FRAS1: variants seen among roughly 807,000 people sequenced by gnomAD.
FRAS1 encodes the protein Fraser extracellular matrix complex subunit 1, also known as extracellular matrix organizing protein FRAS1.
In FRAS1, 290 loss-of-function variants were observed where a neutral mutation model predicts 435.2. That is an observed-to-expected ratio of 0.67 (90% CI 0.61 to 0.73). The LOEUF is 0.73. FRAS1 is among the 30% of genes least tolerant of loss of function. FRAS1 has a pLI of 0.00. For missense variants in FRAS1, 4,860 were observed against 5,001.5 expected (o/e 0.97, Z 0.85); for synonymous variants, 1,800 against 1,851.0 (o/e 0.97, Z 0.71).
chr4:78,431,627 C>A (rs1734225917), intron 37 of FRAS1, among the ~76,000 whole-genome samples: 1 of 152,134 alleles, frequency 6.6e-6, no homozygotes, highest in Non-Finnish European at 1.5e-5. Flanking sequence ...TCTGTGAAAT[C>A]ATTAGGGCTC....
chr4:78,279,117 C>T (rs7664093), intron 10 of FRAS1, among the ~76,000 whole-genome samples: 34,028 of 152,110 alleles, frequency 0.22, 5,001 homozygotes, highest in Non-Finnish European at 0.33. Flanking sequence ...GGAGGTTTCT[C>T]TTACAGAAAA....
chr4:78,323,690 T>G (rs1729598839), intron 18 of FRAS1, among the ~76,000 whole-genome samples: 2 of 152,110 alleles, frequency 1.3e-5, no homozygotes, highest in South Asian at 4.1e-4. Flanking sequence ...ACAACCAGTG[T>G]GGCAGTACGT....
Position 78,206,106 on chromosome 4 carries a change from A to G in FRAS1, c.109-31404A>G, listed in dbSNP as rs149133731. ...ACCATGTATAATTCTTATGTGGCAAAAGGGACTTTGCAGATGAAATTAAGA... is the reference window on the plus strand; with the variant it reads ...ACCATGTATAATTCTTATGTGGCAAGAGGGACTTTGCAGATGAAATTAAGA... On this transcript the variant is annotated intron_variant, in intron 2 of 73. Transcript: ENST00000512123. 2.4e-4 allele frequency among the ~76,000 whole-genome samples: 36 copies of G among 152,206 alleles called. No homozygotes were observed. In the East Asian group the frequency reaches 6.6e-3, roughly 28 times the overall value.
chr4:78,060,438 G>A lies in FRAS1; in HGVS notation c.76+2353G>A, dbSNP rs534210001. ...TGACCAGCTTATGGCAGAATTTGTC[G>A]TTTTCTTCTCAGTGCACAGAGAGAA... is the stretch of plus-strand genomic sequence containing the variant. On this transcript the variant is annotated intron_variant, in intron 1 of 73. Transcript: ENST00000512123. 7.9e-5 allele frequency among the ~76,000 whole-genome samples: 12 copies of A among 152,302 alleles called. No individual in the cohort carries two copies. In the South Asian group the frequency reaches 1.0e-3, roughly 13 times the overall value.
chr4:78,093,782 C>T (rs1047549992), intron 2 of FRAS1, among the ~76,000 whole-genome samples: 1 of 152,142 alleles, frequency 6.6e-6, no homozygotes, highest in African/African-American at 2.4e-5. Flanking sequence ...CCTCTCACTC[C>T]CCTGAGGACC....
At chr4:78,508,394 A>G (rs1441383920) in intron 62 of FRAS1, among the ~76,000 whole-genome samples, 1 of 152,218 alleles carries the variant, frequency 6.6e-6, no homozygotes. Context: ...ATTTAATGCA[A>G]CTTTAAACTA....
At chr4:78,453,126 T>A (rs1335301692) in intron 47 of FRAS1, among the ~76,000 whole-genome samples, 4 of 151,890 alleles carry the variant, frequency 2.6e-5, no homozygotes, top group Non-Finnish European at 5.9e-5. Flanking sequence ...TTGTGGAGGA[T>A]CTTCAAAGCT....
intron 18 of FRAS1, among the ~76,000 whole-genome samples, chr4:78,331,065 C>G (rs1226443317): frequency 6.6e-6 from 1 of 151,826 alleles, no homozygotes; most frequent in East Asian, 1.9e-4. Flanking sequence ...TCAAGCTGGC[C>G]GATGCTTAAG....
chr4:78,178,736 T>A (rs1429741709), intron 2 of FRAS1, among the ~76,000 whole-genome samples: 1 of 152,068 alleles, frequency 6.6e-6, no homozygotes, highest in Non-Finnish European at 1.5e-5. Flanking sequence ...GACTGGGGAT[T>A]AAACTAATTA....
chr4:78,213,696 A>G (rs755876790), intron 2 of FRAS1, among the ~76,000 whole-genome samples: 6 of 152,194 alleles, frequency 3.9e-5, no homozygotes, highest in Admixed American at 6.5e-5. Context: ...TATGGAGACT[A>G]CAGAGAGGAA....
intron 70 of FRAS1, 56 bp downstream of exon 70, chr4:78,526,713 C>T: frequency 8.9e-7 from 1 of 1,118,694 alleles, no homozygotes; most frequent in Non-Finnish European, 1.3e-6. Context: ...GTGAATTCTC[C>T]TACTCACTAA....
At chr4:78,491,555 C>G (rs1720353605) in intron 59 of FRAS1, among the ~76,000 whole-genome samples, 1 of 152,174 alleles carries the variant, frequency 6.6e-6, no homozygotes, top group Non-Finnish European at 1.5e-5. Context: ...ACAAAACCCA[C>G]ATGATTATCT....
intron 68 of FRAS1, among the ~76,000 whole-genome samples, chr4:78,521,944 A>G (rs1346586360): frequency 6.6e-6 from 1 of 152,208 alleles, no homozygotes; most frequent in African/African-American, 2.4e-5. Context: ...TCCAGTCTCT[A>G]TTCATATTTC....
intron 2 of FRAS1, among the ~76,000 whole-genome samples, chr4:78,119,077 G>C (rs58969863): frequency 0.22 from 33,004 of 152,004 alleles, 3,939 homozygotes; most frequent in Admixed American, 0.29. Flanking sequence ...AAAAATAATT[G>C]TATATATTCA....
chr4:78,244,928 G>T (rs927202183), intron 3 of FRAS1, among the ~76,000 whole-genome samples: 16 of 152,104 alleles, frequency 1.1e-4, no homozygotes, highest in African/African-American at 3.6e-4. Context: ...GGAGAAAACT[G>T]CTTATCTTGT....
chr4:78,301,846 G>GTTTTTTTTT (rs59794614), intron 14 of FRAS1, among the ~76,000 whole-genome samples: 404 of 103,290 alleles, frequency 3.9e-3, no homozygotes, highest in Non-Finnish European at 4.5e-3. Context: ...CACAGAAACA[G>GTTTTTTTTT]TTTTTTTTTT....
chr4:78,118,620 G>T (rs535530431), intron 2 of FRAS1, among the ~76,000 whole-genome samples: 4 of 152,184 alleles, frequency 2.6e-5, no homozygotes, highest in Admixed American at 2.0e-4. Context: ...CTCAGATCCA[G>T]GCCCAGGATA....
intron 4 of FRAS1, among the ~76,000 whole-genome samples, chr4:78,249,074 T>TATGC (rs1560602652): frequency 7.4e-5 from 7 of 94,734 alleles, no homozygotes; most frequent in African/African-American, 1.6e-4. Flanking sequence ...CATATATATA[T>TATGC]ATATATATAT....
intron 27 of FRAS1, among the ~76,000 whole-genome samples, chr4:78,380,237 G>A (rs1330973381): frequency 6.6e-6 from 1 of 152,114 alleles, no homozygotes; most frequent in East Asian, 1.9e-4. Context: ...TCTCTGATGC[G>A]ACAGAAAAGT....
Sources: gnomAD v4.1 joint callset for allele counts (sites outside exome capture counted in the v4.1 genomes callset) on GRCh38, gnomAD v4.1.1 for gene constraint, MANE v1.5 for transcripts, NCBI Gene and HGNC (gene_info 2026-07-23, HGNC 2026-07-21) for gene names.